The following PRKCH variants were observed in gnomAD, a reference collection of about 807,000 sequenced individuals.
PRKCH encodes the protein protein kinase C eta type.
Under a neutral mutation model 82.5 loss-of-function variants are expected in PRKCH, and 28 were observed. The observed-to-expected ratio is 0.34, with a 90% CI of 0.25 to 0.47. The LOEUF is 0.47. Among genes scored for constraint, PRKCH ranks in the 20% least tolerant of loss-of-function variants. The pLI, the probability that PRKCH is intolerant of heterozygous loss-of-function variation, is 1.00. For missense variants in PRKCH, 705 were observed against 881.8 expected, an observed-to-expected ratio of 0.80 and a Z score of 2.54; for synonymous variants, 322 against 327.4, an observed-to-expected ratio of 0.98 and a Z score of 0.18.
At chr14:61,327,097 A>G in intron 1 of PRKCH, 1 of 455,892 alleles carries the variant, frequency 2.2e-6, no homozygotes, top group Non-Finnish European at 4.4e-6. Flanking sequence ...GCAGGATCCC[A>G]GGCTGTTTTC....
At chr14:61,370,788 A>T (rs2046356201) in intron 1 of PRKCH, among the ~76,000 whole-genome samples, 1 of 152,060 alleles carries the variant, frequency 6.6e-6, no homozygotes. Flanking sequence ...AGCTTGTCTG[A>T]AAACAATTTG....
chr14:61,313,115 G>T (rs1327310847), intron 1 of PRKCH, among the ~76,000 whole-genome samples: 1 of 152,174 alleles, frequency 6.6e-6, no homozygotes, highest in Non-Finnish European at 1.5e-5. Flanking sequence ...TGACTGGATG[G>T]TCACTGAGTA....
chr14:61,207,938 C>G (rs2044540163), intron 1 of PRKCH, among the ~76,000 whole-genome samples: 1 of 152,192 alleles, frequency 6.6e-6, no homozygotes, highest in Admixed American at 6.5e-5. Flanking sequence ...CTGTGTTGTC[C>G]CCAGCCTGAC....
chr14:61,391,272 CG>C lies in PRKCH; in HGVS notation c.414del (p.Ser139ValfsTer41), dbSNP rs1566854631. On this transcript the variant is annotated frameshift_variant, in exon 2 of 14. Transcript: ENST00000332981. LOFTEE classifies it high-confidence loss of function. Reference protein sequence around the residue: ...GKVFVVITLTGSFTEATLQRD... With the variant: ...GKVFVVITLTXSFTEATLQRD... ...AAGTATTTGTGGTAATAACCCTTAC[CG>C]GGAGTTTCACTGAAGGTAAGAATGA... 6.2e-7 allele frequency: 1 copy of C among 1,609,812 alleles called. No homozygotes were observed. Among genetic ancestry groups the C allele is most frequent in the Admixed American group, 1.7e-5 (1 of 59,474 alleles).
At chr14:61,300,276 G>A (rs1266949650) in intron 1 of PRKCH, among the ~76,000 whole-genome samples, 6 of 152,114 alleles carry the variant, frequency 3.9e-5, no homozygotes, top group Non-Finnish European at 7.4e-5. Context: ...GTAACAGGAA[G>A]GGAATCAAAT....
intron 9 of PRKCH, among the ~76,000 whole-genome samples, chr14:61,458,887 C>G (rs1042664357): frequency 1.6e-4 from 25 of 152,234 alleles, no homozygotes; most frequent in African/African-American, 6.0e-4. Flanking sequence ...CCAGGCCCTT[C>G]CCCAACATTA....
At chr14:61,262,558 G>A (rs2045058819) in intron 1 of PRKCH, among the ~76,000 whole-genome samples, 1 of 152,130 alleles carries the variant, frequency 6.6e-6, no homozygotes, top group Non-Finnish European at 1.5e-5. Flanking sequence ...GTGGGAAGGG[G>A]CACAAAGAAA....
At chr14:61,509,672 G>T (rs1436626665) in intron 10 of PRKCH, among the ~76,000 whole-genome samples, 2 of 152,116 alleles carry the variant, frequency 1.3e-5, no homozygotes, top group Non-Finnish European at 2.9e-5. Flanking sequence ...ATCACTTGAG[G>T]TCAGGAGTTC....
At chr14:61,296,768 T>TAGA (rs2045409567) in intron 1 of PRKCH, among the ~76,000 whole-genome samples, 2 of 152,238 alleles carry the variant, frequency 1.3e-5, no homozygotes, top group Non-Finnish European at 2.9e-5. Context: ...TGATTTTGTT[T>TAGA]CTGTGGGAAT....
At position 61,529,192 on chromosome 14, in the gene PRKCH, G is replaced by A. The variant is rs146498627; in HGVS notation, c.1551G>A (p.Thr517=). 28 of 1,613,466 alleles carry A rather than the reference G, an allele frequency of 1.7e-5. No homozygotes were observed. Among genetic ancestry groups the A allele is most frequent in the Admixed American group, 1.0e-4 (6 of 59,958 alleles). ...NGVTTATFCG[T]PDYIAPEILQ... is the part of the protein sequence containing the mutation. ...TCACCACGGCCACATTCTGTGGCAC[G>A]CCAGACTATATCGCTCCAGAGGTGA... The change falls in exon 11 of 14, where the codon ACG becomes ACA. Residue 517 remains threonine, a synonymous_variant. Coordinates refer to ENST00000332981, the MANE Select transcript of PRKCH (RefSeq NM_006255.5).
At chr14:61,318,820 T>C (rs2045584914), upstream of PRKCH, among the ~76,000 whole-genome samples, 1 of 152,090 alleles carries the variant, frequency 6.6e-6, no homozygotes, top group South Asian at 2.1e-4. Context: ...AAAAATAAAA[T>C]GGGACTACAG....
intron 10 of PRKCH, among the ~76,000 whole-genome samples, chr14:61,491,800 G>A (rs1381290319): frequency 6.6e-6 from 1 of 152,184 alleles, no homozygotes; most frequent in African/African-American, 2.4e-5. Context: ...CAAGGATATG[G>A]ATGTAATGGT....
At chr14:61,422,676 C>T (rs1041871515) in intron 2 of PRKCH, among the ~76,000 whole-genome samples, 1 of 152,198 alleles carries the variant, frequency 6.6e-6, no homozygotes, top group Non-Finnish European at 1.5e-5. Flanking sequence ...TGTATTTTAA[C>T]CGTCTAGTTG....
chr14:61,532,871 T>A (rs1245907126), intron 12 of PRKCH, among the ~76,000 whole-genome samples: 1 of 152,198 alleles, frequency 6.6e-6, no homozygotes, highest in South Asian at 2.1e-4. Flanking sequence ...GTCCCTTCAC[T>A]TCTCTTTATT....
chr14:61,323,493 T>A (rs1284180878), intron 1 of PRKCH, among the ~76,000 whole-genome samples: 5 of 152,066 alleles, frequency 3.3e-5, no homozygotes, highest in Non-Finnish European at 7.4e-5. Flanking sequence ...CTGGAGGGAG[T>A]CAGTTTTGAA....
intron 10 of PRKCH, among the ~76,000 whole-genome samples, chr14:61,516,454 A>G (rs557737430): frequency 1.3e-5 from 2 of 152,316 alleles, no homozygotes; most frequent in South Asian, 2.1e-4. Flanking sequence ...ATAATGACTC[A>G]CACTTGCACA....
chr14:61,350,668 C>T (rs2046061265), intron 1 of PRKCH, among the ~76,000 whole-genome samples: 1 of 152,132 alleles, frequency 6.6e-6, no homozygotes, highest in Admixed American at 6.5e-5. Flanking sequence ...CTGTCTATTC[C>T]AGGAAGCTCG....
upstream of PRKCH, among the ~76,000 whole-genome samples, chr14:61,318,883 C>G (rs544600988): frequency 6.6e-6 from 1 of 152,056 alleles, no homozygotes; most frequent in Non-Finnish European, 1.5e-5. Flanking sequence ...TTTGTAGAGA[C>G]AGTCTTGCCA....
chr14:61,273,061 C>T (rs909754259), intron 1 of PRKCH, among the ~76,000 whole-genome samples: 29 of 152,154 alleles, frequency 1.9e-4, no homozygotes, highest in Non-Finnish European at 3.8e-4. Context: ...CCTTATCATG[C>T]ATTATTCTTT....
Sources: allele counts gnomAD v4.1 joint callset (sites outside exome capture counted in the v4.1 genomes callset), GRCh38; gene constraint gnomAD v4.1.1; transcripts MANE v1.5; gene names NCBI Gene and HGNC (gene_info 2026-07-23, HGNC 2026-07-21).